The following CCSER1 variants were observed in gnomAD, a reference collection of about 807,000 sequenced individuals.
CCSER1 encodes serine-rich coiled-coil domain-containing protein 1.
Under a neutral mutation model 82.0 loss-of-function variants are expected in CCSER1, and 41 were observed. The ratio of observed to expected loss-of-function variants is 0.50; its 90% CI spans 0.39 to 0.65. CCSER1 has a LOEUF of 0.65. Ranked by LOEUF, CCSER1 falls within the 30% of genes least tolerant of loss-of-function variation. The pLI is 0.00. For synonymous variants in CCSER1, 414 were observed against 383.9 expected, an observed-to-expected ratio of 1.08 and a Z score of -0.92; for missense variants, 1,119 against 1,064.2, an observed-to-expected ratio of 1.05 and a Z score of -0.72.
At chr4:91,339,809 A>G (rs1167167353) in intron 10 of CCSER1, among the ~76,000 whole-genome samples, 1 of 151,914 alleles carries the variant, frequency 6.6e-6, no homozygotes, top group Non-Finnish European at 1.5e-5. Context: ...TTTTCTTTAC[A>G]TGAATACCTA....
intron 10 of CCSER1, among the ~76,000 whole-genome samples, chr4:91,151,510 T>C (rs767925356): frequency 6.6e-6 from 1 of 152,184 alleles, no homozygotes; most frequent in Non-Finnish European, 1.5e-5. Flanking sequence ...TCTTACCTTC[T>C]GCTCGCTTTT....
chr4:90,245,049 A>C (rs1186947480), intron 1 of CCSER1, among the ~76,000 whole-genome samples: 1 of 152,172 alleles, frequency 6.6e-6, no homozygotes, highest in Non-Finnish European at 1.5e-5. Context: ...ATGAGGATTA[A>C]CTGTAGTAAT....
intron 10 of CCSER1, among the ~76,000 whole-genome samples, chr4:91,117,594 T>A (rs545603771): frequency 6.6e-6 from 1 of 152,328 alleles, no homozygotes; most frequent in African/African-American, 2.4e-5. Flanking sequence ...TATTAGTGAT[T>A]TACTGCGTGT....
intron 10 of CCSER1, among the ~76,000 whole-genome samples, chr4:91,093,848 C>T (rs1169290219): frequency 6.6e-6 from 1 of 152,206 alleles, no homozygotes; most frequent in Non-Finnish European, 1.5e-5. Context: ...CTTTGTAACC[C>T]CATACAACGG....
intron 9 of CCSER1, among the ~76,000 whole-genome samples, chr4:91,025,032 A>G (rs532041231): frequency 3.9e-5 from 6 of 152,256 alleles, no homozygotes; most frequent in Admixed American, 2.0e-4. Flanking sequence ...GTCCTGTTCA[A>G]TGTGTTTAAG....
chr4:90,845,899 A>T (rs1370994967), intron 8 of CCSER1, among the ~76,000 whole-genome samples: 1 of 151,812 alleles, frequency 6.6e-6, no homozygotes, highest in Non-Finnish European at 1.5e-5. Flanking sequence ...CTCATTCTGC[A>T]GTACATTTCC....
intron 1 of CCSER1, among the ~76,000 whole-genome samples, chr4:90,167,522 G>A (rs553186075): frequency 3.3e-5 from 5 of 152,096 alleles, no homozygotes; most frequent in African/African-American, 9.7e-5. Context: ...TGTGCACAAT[G>A]TGCAGGTTTG....
intron 10 of CCSER1, among the ~76,000 whole-genome samples, chr4:91,452,795 T>C (rs1245053396): frequency 6.6e-6 from 1 of 152,010 alleles, no homozygotes; most frequent in African/African-American, 2.4e-5. Context: ...TTGGTTGCAG[T>C]TGAAGCTGAA....
chr4:90,830,911 C>A (rs572932831), intron 8 of CCSER1, among the ~76,000 whole-genome samples: 22 of 152,124 alleles, frequency 1.4e-4, no homozygotes. Context: ...TAACAGATAT[C>A]CCATCCATAT....
At position 91,266,040 on chromosome 4, in the gene CCSER1, A is replaced by G. The variant is rs1468402966; in HGVS notation, c.2217+180046A>G. ...CCATGAGATCTTATGAGATTTATTC[A>G]CTACCATGAGAACAGTATGGGGGAA... is the stretch of plus-strand genomic sequence containing the variant. On this transcript the variant is annotated intron_variant, in intron 10 of 10. Coordinates refer to ENST00000509176, the MANE Select transcript of CCSER1 (RefSeq NM_001145065.2). 2.6e-5 allele frequency among the ~76,000 whole-genome samples: 4 copies of G among 152,150 alleles called. No homozygotes were observed. The South Asian group carries it at 6.2e-4, about 24-fold the overall frequency.
At chr4:91,020,996 T>C (rs745358072) in intron 9 of CCSER1, among the ~76,000 whole-genome samples, 9 of 152,206 alleles carry the variant, frequency 5.9e-5, no homozygotes, top group Non-Finnish European at 1.0e-4. Flanking sequence ...GAAAACGAGA[T>C]ACTTCAAAGT....
At position 90,309,512 on chromosome 4, in the gene CCSER1, A is replaced by C. The variant is rs376784766; in HGVS notation, c.1228A>C (p.Ile410Leu). ...AGCAATAGCGGAACATGTAAAAGGGATCCATCCTATTTCAGATTCAAAGAT... is the reference window on the plus strand; with the variant it reads ...AGCAATAGCGGAACATGTAAAAGGGCTCCATCCTATTTCAGATTCAAAGAT... Reference protein sequence around the residue: ...HKAIAEHVKGIHPISDSKIIP... With the variant: ...HKAIAEHVKGLHPISDSKIIP... Residue 410 changes from isoleucine to leucine, a missense_variant, in exon 2 of 11, where the codon ATC (isoleucine) becomes CTC (leucine). Physicochemically the swap from Ile to Leu is conservative, Grantham distance 5. Transcript: ENST00000509176. 1 of 1,613,626 alleles carries C rather than the reference A, an allele frequency of 6.2e-7. No homozygotes were observed. Among genetic ancestry groups the C allele is most frequent in the Non-Finnish European group, 8.5e-7 (1 of 1,179,694 alleles).
chr4:90,163,095 T>G (rs916268516), intron 1 of CCSER1, among the ~76,000 whole-genome samples: 2 of 152,150 alleles, frequency 1.3e-5, no homozygotes, highest in Non-Finnish European at 2.9e-5. Context: ...TTTTGTCACT[T>G]ATTTTAGCAT....
At chr4:90,342,252 G>T (rs1579284576) in intron 3 of CCSER1, among the ~76,000 whole-genome samples, 3 of 152,134 alleles carry the variant, frequency 2.0e-5, no homozygotes, top group Admixed American at 2.0e-4. Flanking sequence ...CAAGGTAACT[G>T]ACCTGGGGAT....
chr4:90,236,229 A>G (rs1243696140), intron 1 of CCSER1, among the ~76,000 whole-genome samples: 5 of 152,212 alleles, frequency 3.3e-5, no homozygotes, highest in Non-Finnish European at 2.9e-5. Context: ...GCGCCTGGCT[A>G]AAATAAAGAA....
At position 91,259,798 on chromosome 4, in the gene CCSER1, C is replaced by G. The variant is rs189920013; in HGVS notation, c.2217+173804C>G. Among the ~76,000 whole-genome samples the G allele has an allele frequency of 3.6e-3, 546 of 152,280 alleles. 2 individuals carry two copies. The highest frequency in any genetic ancestry group is 0.012 in the African/African-American group (519 of 41,548). The stretch of plus-strand genomic sequence containing the variant: ...ATCTTTTTTATGGCCGCATAGCATT[C>G]CATGGTGTATATGTGCCACATTTTC... On this transcript the variant is annotated intron_variant, in intron 10 of 10. Coordinates refer to ENST00000509176, the MANE Select transcript of CCSER1 (RefSeq NM_001145065.2).
At chr4:90,375,391 G>C (rs1748141553) in intron 3 of CCSER1, among the ~76,000 whole-genome samples, 1 of 152,122 alleles carries the variant, frequency 6.6e-6, no homozygotes, top group African/African-American at 2.4e-5. Flanking sequence ...ATAGCTACTA[G>C]AATGGGACAC....
At chr4:91,476,981 A>C (rs1757631339) in intron 10 of CCSER1, among the ~76,000 whole-genome samples, 1 of 151,726 alleles carries the variant, frequency 6.6e-6, no homozygotes, top group Admixed American at 6.6e-5. Flanking sequence ...ACATTGGGGA[A>C]ATGCTCCAGG....
intron 4 of CCSER1, among the ~76,000 whole-genome samples, chr4:90,413,119 T>C (rs1449566976): frequency 6.6e-6 from 1 of 152,168 alleles, no homozygotes. Flanking sequence ...CAAATTAATG[T>C]ACACAAATCA....
Sources: allele counts gnomAD v4.1 joint callset (sites outside exome capture counted in the v4.1 genomes callset), GRCh38; gene constraint gnomAD v4.1.1; transcripts MANE v1.5; gene names NCBI Gene and HGNC (gene_info 2026-07-23, HGNC 2026-07-21).